Variants in CEP112 observed in about 807,000 individuals in gnomAD.
CEP112 encodes the protein centrosomal protein 112, also known as centrosomal protein of 112 kDa.
A neutral mutation model predicts 153.0 loss-of-function variants in CEP112; 127 were observed. The ratio of observed to expected loss-of-function variants is 0.83; its 90% CI spans 0.72 to 0.96. The LOEUF is 0.96. Ranked by LOEUF, CEP112 falls within the 40% of genes least tolerant of loss-of-function variation. The pLI is 0.00. For missense variants in CEP112, 1,089 were observed against 1,101.2 expected (o/e 0.99, Z 0.16); for synonymous variants, 358 against 374.4 (o/e 0.96, Z 0.51).
intron 14 of CEP112, 132 bp from the exon 15 acceptor site, chr17:66,028,537 T>A (rs1239226318): frequency 2.3e-6 from 1 of 430,344 alleles, no homozygotes; most frequent in Non-Finnish European, 4.1e-6. Flanking sequence ...GAAATTTGAA[T>A]GAAAAATGTT....
intron 12 of CEP112, among the ~76,000 whole-genome samples, chr17:66,041,740 T>C (rs1231014183): frequency 1.3e-5 from 2 of 152,162 alleles, no homozygotes; most frequent in African/African-American, 2.4e-5. Context: ...TGAAGAAATA[T>C]TGGCTTATAA....
At chr17:66,082,028 CTATTT>C (rs1460664303) in intron 8 of CEP112, among the ~76,000 whole-genome samples, 2 of 152,234 alleles carry the variant, frequency 1.3e-5, no homozygotes, top group South Asian at 2.1e-4. Context: ...AGGAAATTTT[CTATTT>C]TATTTCACAA....
Position 66,029,987 on chromosome 17 carries a change from G to T in CEP112, c.1255C>A (p.Gln419Lys), listed in dbSNP as rs748771657. ...MIKELEARVQ[Q>K]LTGEAENSNL... ...CTGTTCTCTGCTTCTCCAGTCAGCTGCTGGACACGGGCCTCCAGTTCTTTG... is the reference window on the plus strand; with the variant it reads ...CTGTTCTCTGCTTCTCCAGTCAGCTTCTGGACACGGGCCTCCAGTTCTTTG... Residue 419 changes from glutamine (Q) to lysine (K), a missense_variant, in exon 13 of 27, where the codon CAG becomes AAG. Physicochemically the swap from Gln to Lys is moderately conservative, Grantham distance 53. Transcript: ENST00000535342. 6.2e-7 allele frequency: 1 copy of T among 1,613,610 alleles called. No individual in the cohort carries two copies. Among genetic ancestry groups the T allele is most frequent in the South Asian group, 1.1e-5 (1 of 91,044 alleles).
intron 23 of CEP112, among the ~76,000 whole-genome samples, chr17:65,715,984 G>A (rs2049487382): frequency 6.6e-6 from 1 of 152,144 alleles, no homozygotes; most frequent in Non-Finnish European, 1.5e-5. Flanking sequence ...TTACTTCTAA[G>A]CATGTAGTTT....
At chr17:65,653,920 G>A (rs373990927) in intron 24 of CEP112, among the ~76,000 whole-genome samples, 44 of 151,826 alleles carry the variant, frequency 2.9e-4, no homozygotes, top group Middle Eastern at 3.4e-3. Flanking sequence ...TTAGCCGGGC[G>A]TGGTGGTGCG....
chr17:66,169,825 A>C (rs1422995110), intron 4 of CEP112, among the ~76,000 whole-genome samples: 2 of 152,180 alleles, frequency 1.3e-5, no homozygotes, highest in Non-Finnish European at 2.9e-5. Context: ...AATTATTACA[A>C]ATTTAACAGC....
intron 12 of CEP112, 51 bp downstream of exon 12, chr17:66,053,685 G>C (rs777566032): frequency 1.9e-6 from 3 of 1,564,720 alleles, no homozygotes; most frequent in Non-Finnish European, 1.7e-6. Context: ...TGAGGACATG[G>C]AAATTGAGAA....
chr17:65,840,646 A>C (rs943264202), intron 21 of CEP112, among the ~76,000 whole-genome samples: 4 of 152,084 alleles, frequency 2.6e-5, no homozygotes, highest in African/African-American at 7.2e-5. Flanking sequence ...GATTATATCA[A>C]GATAAAAATC....
intron 24 of CEP112, among the ~76,000 whole-genome samples, chr17:65,664,265 G>T (rs2046566273): frequency 6.6e-6 from 1 of 152,132 alleles, no homozygotes; most frequent in South Asian, 2.1e-4. Flanking sequence ...AAAACCATGA[G>T]CCAAGGCGAA....
intron 20 of CEP112, among the ~76,000 whole-genome samples, chr17:65,855,998 C>A (rs1190214619): frequency 6.6e-6 from 1 of 151,966 alleles, no homozygotes; most frequent in Non-Finnish European, 1.5e-5. Context: ...CAGGAGGCTG[C>A]AGTGAACCGT....
intron 17 of CEP112, among the ~76,000 whole-genome samples, chr17:65,976,367 C>A (rs1025153396): frequency 5.9e-5 from 9 of 152,106 alleles, no homozygotes; most frequent in Admixed American, 5.2e-4. Context: ...GACTGTCTCC[C>A]AAATCAAAAA....
chr17:65,925,927 G>A (rs1429225574), intron 19 of CEP112, among the ~76,000 whole-genome samples: 1 of 152,038 alleles, frequency 6.6e-6, no homozygotes, highest in African/African-American at 2.4e-5. Flanking sequence ...AGCCTTTTTT[G>A]TTCTAAGCCA....
intron 18 of CEP112, among the ~76,000 whole-genome samples, chr17:65,931,483 T>A (rs991286572): frequency 2.0e-5 from 3 of 152,208 alleles, no homozygotes; most frequent in Admixed American, 2.0e-4. Flanking sequence ...TTCCAAGATG[T>A]TTGGCAGGAG....
At chr17:65,927,047 C>A (rs1306614218) in intron 19 of CEP112, among the ~76,000 whole-genome samples, 1 of 152,174 alleles carries the variant, frequency 6.6e-6, no homozygotes, top group African/African-American at 2.4e-5. Flanking sequence ...GGGGGCGGAT[C>A]CGTCATGAAT....
At chr17:65,710,157 T>C (rs1463839296) in intron 23 of CEP112, among the ~76,000 whole-genome samples, 1 of 152,152 alleles carries the variant, frequency 6.6e-6, no homozygotes, top group African/African-American at 2.4e-5. Flanking sequence ...CTGAAATTCC[T>C]CTCTGGTGTC....
chr17:66,118,603 A>G (rs2069419779), intron 6 of CEP112, among the ~76,000 whole-genome samples: 1 of 152,148 alleles, frequency 6.6e-6, no homozygotes, highest in Non-Finnish European at 1.5e-5. Context: ...ACTGGTAAAT[A>G]GGTATGAAAA....
rs563902189 is a variant in CEP112 at position 65,871,233 on chromosome 17, C to T, written c.2164-19199G>A. Reference sequence around the variant, plus strand: ...GTGAAGTGGATTCCAGTGGCTGCCTCGGTCAGAATCATCATGGTGATGATG... The same window carrying T: ...GTGAAGTGGATTCCAGTGGCTGCCTTGGTCAGAATCATCATGGTGATGATG... On this transcript the variant is annotated intron_variant, in intron 20 of 26. Transcript: ENST00000535342. Among the ~76,000 whole-genome samples the T allele has an allele frequency of 5.9e-5, 9 of 152,266 alleles. No individual in the cohort carries two copies. In the South Asian group the frequency reaches 6.2e-4, roughly 11 times the overall value.
At chr17:65,771,435 A>G (rs1253824664) in intron 21 of CEP112, among the ~76,000 whole-genome samples, 3 of 152,204 alleles carry the variant, frequency 2.0e-5, no homozygotes, top group Non-Finnish European at 2.9e-5. Flanking sequence ...AAATTCACAA[A>G]TGACAACTGA....
intron 17 of CEP112, among the ~76,000 whole-genome samples, chr17:65,963,681 G>A (rs1302804786): frequency 2.3e-5 from 3 of 130,184 alleles, no homozygotes; most frequent in Non-Finnish European, 4.8e-5. Flanking sequence ...AGGGGTGTGT[G>A]TGTGTGTGTG....
Sources: allele counts gnomAD v4.1 joint callset (sites outside exome capture counted in the v4.1 genomes callset), GRCh38; gene constraint gnomAD v4.1.1; transcripts MANE v1.5; gene names NCBI Gene and HGNC (gene_info 2026-07-23, HGNC 2026-07-21).